Variants in NMU observed in about 807,000 individuals in gnomAD.
NMU encodes the protein neuromedin U.
Under a neutral mutation model 35.4 loss-of-function variants are expected in NMU, and 29 were observed. That is an observed-to-expected ratio of 0.82 (90% CI 0.61 to 1.12). The LOEUF (loss-of-function observed/expected upper bound fraction) is 1.12. Ranked by LOEUF, NMU falls within the 50% of genes most tolerant of loss-of-function variation. NMU has a pLI of 0.00. For synonymous variants in NMU, 78 were observed against 81.3 expected, an observed-to-expected ratio of 0.96 and a Z score of 0.22; for missense variants, 199 against 206.2, an observed-to-expected ratio of 0.97 and a Z score of 0.21.
At chr4:55,636,390 C>T, upstream of NMU, 1 of 768,222 alleles carries the variant, frequency 1.3e-6, no homozygotes, top group Non-Finnish European at 1.8e-6. The surrounding 1 kb of genome is among the most constrained non-coding windows in gnomAD (Gnocchi z 4.0). Flanking sequence ...CGCCTGCCGC[C>T]CCCGGCCTAC....
intron 8 of NMU, among the ~76,000 whole-genome samples, chr4:55,600,266 A>T (rs1449816902): frequency 6.6e-6 from 1 of 152,162 alleles, no homozygotes; most frequent in Non-Finnish European, 1.5e-5. Context: ...ATGTCATGGA[A>T]TTAAAGTGTC....
At chr4:55,608,195 T>A (rs959689343) in intron 4 of NMU, among the ~76,000 whole-genome samples, 30 of 108,096 alleles carry the variant, frequency 2.8e-4, no homozygotes, top group African/African-American at 5.9e-4. Flanking sequence ...AAAAAAAAAA[T>A]TTAAATCTTA....
At chr4:55,619,919 A>C (rs78688267) in intron 2 of NMU, among the ~76,000 whole-genome samples, 60,206 of 110,494 alleles carry the variant, frequency 0.54, 17,420 homozygotes, top group South Asian at 0.69. Flanking sequence ...ACACCTCACA[A>C]GGCAGGGTAT....
chr4:55,615,099 G>A (rs1041758117), intron 3 of NMU, among the ~76,000 whole-genome samples: 2 of 152,202 alleles, frequency 1.3e-5, no homozygotes, highest in African/African-American at 2.4e-5. Flanking sequence ...TGCCGCAGGC[G>A]CATAGCTGAT....
intron 2 of NMU, among the ~76,000 whole-genome samples, chr4:55,617,723 T>C (rs188391521): frequency 6.6e-6 from 1 of 152,356 alleles, no homozygotes; most frequent in East Asian, 1.9e-4. Flanking sequence ...AAATGTCACC[T>C]TCTGTGGTTC....
At chr4:55,611,644 T>C (rs1733936848) in intron 3 of NMU, among the ~76,000 whole-genome samples, 1 of 152,234 alleles carries the variant, frequency 6.6e-6, no homozygotes, top group Non-Finnish European at 1.5e-5. Flanking sequence ...ATGTATTTAC[T>C]GTACCTTTTC....
chr4:55,596,126 T>G (rs961338301), intron 9 of NMU, among the ~76,000 whole-genome samples: 2 of 152,170 alleles, frequency 1.3e-5, no homozygotes, highest in Non-Finnish European at 2.9e-5. Flanking sequence ...TGTATATCTA[T>G]TTCCTCCTAT....
chr4:55,616,509 G>T, intron 2 of NMU, 124 bp from the exon 3 acceptor site: 1 of 771,080 alleles, frequency 1.3e-6, no homozygotes, highest in South Asian at 1.5e-5. Flanking sequence ...TAGGACTCTG[G>T]ATTTGGAAGA....
intron 2 of NMU, among the ~76,000 whole-genome samples, chr4:55,617,788 A>G (rs1012618738): frequency 1.4e-4 from 22 of 152,178 alleles, no homozygotes; most frequent in Admixed American, 4.6e-4. Flanking sequence ...GTATCTGAAG[A>G]CATTACCCAC....
At chr4:55,619,123 C>T (rs1022300562) in intron 2 of NMU, among the ~76,000 whole-genome samples, 14 of 152,120 alleles carry the variant, frequency 9.2e-5, no homozygotes, top group African/African-American at 2.7e-4. Context: ...CCTGCTGCCT[C>T]GGCCTGTCAA....
chr4:55,610,117 G>C (rs565703724), intron 3 of NMU, among the ~76,000 whole-genome samples: 1 of 152,236 alleles, frequency 6.6e-6, no homozygotes, highest in Admixed American at 6.5e-5. Context: ...ATTAAATGTA[G>C]GTAAAGTTCT....
At chr4:55,606,602 T>G (rs1369585626) in intron 6 of NMU, among the ~76,000 whole-genome samples, 1 of 152,096 alleles carries the variant, frequency 6.6e-6, no homozygotes, top group African/African-American at 2.4e-5. Flanking sequence ...AAACAATATG[T>G]TTTACTTATT....
chr4:55,624,990 G>A (rs1359217697), intron 2 of NMU, among the ~76,000 whole-genome samples: 2 of 84,272 alleles, frequency 2.4e-5, no homozygotes, highest in Non-Finnish European at 4.8e-5. Flanking sequence ...GACACAGGAA[G>A]GGGAATATCA....
Position 55,595,342 on chromosome 4 carries a change from T to G in NMU, c.*74A>C, listed in dbSNP as rs1733122825. 1 of 152,348 alleles carries G rather than the reference T, an allele frequency of 6.6e-6. No individual in the cohort carries two copies. Among genetic ancestry groups the G allele is most frequent in the Non-Finnish European group, 1.5e-5 (1 of 67,996 alleles). The allele number at this position is 152,348 out of a possible 1,614,324, so 9.4% of individuals were successfully genotyped here. On this transcript the variant is annotated 3_prime_UTR_variant, in exon 10 of 10. Transcript: ENST00000264218. ...AGAGTACATTTAGCAAGGATTTTTT[T>G]CAGAAGAAAACAAAATGTCAGTACA...
chr4:55,595,625 A>G (rs9762830), intron 9 of NMU, among the ~76,000 whole-genome samples: 86 of 89,816 alleles, frequency 9.6e-4, no homozygotes, highest in African/African-American at 2.1e-3. Flanking sequence ...GTGTGTGTGT[A>G]TATATATATA....
intron 2 of NMU, among the ~76,000 whole-genome samples, chr4:55,618,410 C>A (rs1485191408): frequency 6.6e-6 from 1 of 151,998 alleles, no homozygotes; most frequent in East Asian, 1.9e-4. Context: ...TGTGATGTTC[C>A]CCTCCCTGTG....
At chr4:55,618,663 TTC>T (rs1165492786) in intron 2 of NMU, among the ~76,000 whole-genome samples, 15 of 150,480 alleles carry the variant, frequency 1.0e-4, no homozygotes, top group African/African-American at 2.2e-4. Flanking sequence ...CTCATCTTTC[TTC>T]TCTCTCTTCC....
At chr4:55,616,215 G>A in intron 3 of NMU, 123 bp downstream of exon 3, 2 of 744,328 alleles carry the variant, frequency 2.7e-6, no homozygotes, top group Non-Finnish European at 4.9e-6. Flanking sequence ...TACAGCAAAT[G>A]TAATAATATC....
chr4:55,602,153 A>G (rs557141940), intron 7 of NMU, among the ~76,000 whole-genome samples: 1 of 152,346 alleles, frequency 6.6e-6, no homozygotes, highest in Admixed American at 6.5e-5. Context: ...TTTTATCATT[A>G]GCATAGAGCA....
Sources: allele counts gnomAD v4.1 joint callset (sites outside exome capture counted in the v4.1 genomes callset), GRCh38; gene constraint gnomAD v4.1.1; non-coding constraint Gnocchi (gnomAD v3.1); transcripts MANE v1.5; gene names NCBI Gene and HGNC (gene_info 2026-07-23, HGNC 2026-07-21).